Variants in CHST11 observed in about 807,000 individuals in gnomAD.
The protein encoded by CHST11 is C4S-1.
In CHST11, 9 loss-of-function variants were observed where a neutral mutation model predicts 30.4. That is an observed-to-expected ratio of 0.30 (90% CI 0.18 to 0.52). The LOEUF (loss-of-function observed/expected upper bound fraction) is 0.52. Among genes scored for constraint, CHST11 ranks in the 20% least tolerant of loss-of-function variants. CHST11 has a pLI of 0.97. For synonymous variants in CHST11, 152 were observed against 187.8 expected (o/e 0.81, Z 1.56); for missense variants, 348 against 460.6 (o/e 0.76, Z 2.24).
chr12:104,750,263 G>A (rs1054008482), intron 2 of CHST11, among the ~76,000 whole-genome samples: 1 of 151,848 alleles, frequency 6.6e-6, no homozygotes, highest in African/African-American at 2.4e-5. Context: ...AGAAAGGGAA[G>A]CTCTACTCCA....
intron 1 of CHST11, among the ~76,000 whole-genome samples, chr12:104,560,929 G>A (rs374756383): frequency 6.6e-6 from 1 of 152,142 alleles, no homozygotes; most frequent in Non-Finnish European, 1.5e-5. Context: ...CATGTCTTCC[G>A]GGGACAGAGT....
chr12:104,457,778 G>T (rs1369229175), intron 1 of CHST11, among the ~76,000 whole-genome samples: 1 of 150,780 alleles, frequency 6.6e-6, no homozygotes, highest in Non-Finnish European at 1.5e-5. Flanking sequence ...GACCAGGAGG[G>T]GCGGTAGTTT....
chr12:104,737,156 A>G (rs2040308157), intron 2 of CHST11, among the ~76,000 whole-genome samples: 1 of 152,272 alleles, frequency 6.6e-6, no homozygotes, highest in Non-Finnish European at 1.5e-5. Context: ...ACTGAGTTCA[A>G]TAATCATTGC....
rs1289065049 is a variant in CHST11, at chr12:104,602,006, C to T, written c.204+15C>T. Reference sequence around the variant, plus strand: ...ACCCAATCCAGGTAAGCTTCAAGCACTCTGTCAGCATGTGAATTTTTTTTT... The same window carrying T: ...ACCCAATCCAGGTAAGCTTCAAGCATTCTGTCAGCATGTGAATTTTTTTTT... On this transcript the variant is annotated intron_variant, in intron 2 of 2. Coordinates refer to ENST00000303694, the MANE Select transcript of CHST11 (RefSeq NM_018413.6). 3 of 1,592,806 alleles carry T rather than the reference C, an allele frequency of 1.9e-6. No homozygotes were observed. The highest frequency in any genetic ancestry group is 1.1e-5 in the South Asian group (1 of 89,168).
intron 1 of CHST11, among the ~76,000 whole-genome samples, chr12:104,555,869 G>T (rs1474373683): frequency 6.6e-6 from 1 of 152,246 alleles, no homozygotes. Flanking sequence ...GCAGCCCTGG[G>T]GGCGTCCAGC....
At chr12:104,459,343 C>G (rs540943379) in intron 1 of CHST11, among the ~76,000 whole-genome samples, 12 of 152,140 alleles carry the variant, frequency 7.9e-5, no homozygotes, top group African/African-American at 2.9e-4. Context: ...TGGTGGTGTA[C>G]AGATACACTC....
intron 1 of CHST11, among the ~76,000 whole-genome samples, chr12:104,533,313 C>A (rs893375040): frequency 5.3e-5 from 8 of 152,178 alleles, no homozygotes; most frequent in Non-Finnish European, 1.0e-4. Flanking sequence ...GTAATGAACT[C>A]GTAAACATGA....
intron 2 of CHST11, among the ~76,000 whole-genome samples, chr12:104,686,384 T>C (rs1018593758): frequency 1.3e-5 from 2 of 151,882 alleles, no homozygotes; most frequent in African/African-American, 4.8e-5. Context: ...TGAGAGAGAG[T>C]CCTCTGCTCA....
At chr12:104,501,993 T>C (rs968166936) in intron 1 of CHST11, among the ~76,000 whole-genome samples, 2 of 152,096 alleles carry the variant, frequency 1.3e-5, no homozygotes, top group African/African-American at 4.8e-5. Context: ...ACACCACACG[T>C]GTGACCTCAA....
chr12:104,612,745 T>C (rs922279697), intron 2 of CHST11, among the ~76,000 whole-genome samples: 19 of 152,282 alleles, frequency 1.2e-4, no homozygotes, highest in East Asian at 7.7e-4. Flanking sequence ...TTGGTGGGAA[T>C]GTAAATTGGT....
At chr12:104,544,138 A>AAAAGGAAGAAAGAAAGAAAG (rs2038314657) in intron 1 of CHST11, among the ~76,000 whole-genome samples, 1 of 71,726 alleles carries the variant, frequency 1.4e-5, no homozygotes, top group African/African-American at 4.9e-5. Flanking sequence ...AAAAAAAAAA[A>AAAAGGAAGAAAGAAAGAAAG]AAAGAAAGAA....
At chr12:104,517,502 C>T (rs2038035827) in intron 1 of CHST11, among the ~76,000 whole-genome samples, 1 of 152,160 alleles carries the variant, frequency 6.6e-6, no homozygotes, top group African/African-American at 2.4e-5. Flanking sequence ...CACTTAGATG[C>T]ATGTGGAATT....
In CHST11 at chr12:104,553,598, A is replaced by AGT. The variant is rs1364602974; in HGVS notation, c.119-48307_119-48306insTG. On this transcript the variant is annotated intron_variant, in intron 1 of 2. Coordinates refer to ENST00000303694, the MANE Select transcript of CHST11 (RefSeq NM_018413.6). ...GAGAGAGAGAGAGAGAGAGAGAGAGAGAGTGAGAACTAGGAGGGAAGTGCC... is the reference window on the plus strand; with the variant it reads ...GAGAGAGAGAGAGAGAGAGAGAGAGAGTGAGTGAGAACTAGGAGGGAAGTGCC... Among the ~76,000 whole-genome samples the AGT allele has an allele frequency of 2.3e-5, 3 of 132,624 alleles. No homozygotes were observed. In the Admixed American group the frequency reaches 2.3e-4, roughly 10 times the overall value. 87.0% of individuals were successfully genotyped at this position (132,624 alleles called of 152,430 possible). A position where few individuals can be genotyped will look rare whatever the true frequency, so the allele number is the denominator to read the frequency against.
chr12:104,502,202 A>C (rs2037859375), intron 1 of CHST11, among the ~76,000 whole-genome samples: 1 of 151,510 alleles, frequency 6.6e-6, no homozygotes, highest in Admixed American at 6.6e-5. Flanking sequence ...TAATTTTTAC[A>C]TTTTTTTGTA....
chr12:104,583,368 C>T (rs1180408690), intron 1 of CHST11, among the ~76,000 whole-genome samples: 1 of 152,114 alleles, frequency 6.6e-6, no homozygotes, highest in Non-Finnish European at 1.5e-5. Flanking sequence ...GAATGGGGCT[C>T]AGCTTTGCAT....
At chr12:104,636,551 C>T (rs1454591986) in intron 2 of CHST11, among the ~76,000 whole-genome samples, 2 of 152,186 alleles carry the variant, frequency 1.3e-5, no homozygotes, top group Non-Finnish European at 2.9e-5. Context: ...AAGGAACACC[C>T]CTTTTATTTC....
intron 1 of CHST11, among the ~76,000 whole-genome samples, chr12:104,513,123 T>TGGGGCGGGGGGGG (rs1555229065): frequency 2.9e-4 from 1 of 3,390 alleles, no homozygotes; most frequent in South Asian, 6.3e-3. Context: ...ATGTCATGAC[T>TGGGGCGGGGGGGG]GGGGGGGGGG....
chr12:104,610,065 G>GTGTGTGTGTC (rs2039044702), intron 2 of CHST11, among the ~76,000 whole-genome samples: 1 of 82,600 alleles, frequency 1.2e-5, no homozygotes. Flanking sequence ...GTGTGTGTGT[G>GTGTGTGTGTC]TGTGTGTGTG....
chr12:104,471,962 TA>T (rs905969466), intron 1 of CHST11, among the ~76,000 whole-genome samples: 6 of 150,198 alleles, frequency 4.0e-5, no homozygotes, highest in South Asian at 2.1e-4. Flanking sequence ...CACCCTAATT[TA>T]AAAAAAAAAT....
Sources: gnomAD v4.1 joint callset for allele counts (sites outside exome capture counted in the v4.1 genomes callset) on GRCh38, gnomAD v4.1.1 for gene constraint, MANE v1.5 for transcripts, NCBI Gene and HGNC (gene_info 2026-07-23, HGNC 2026-07-21) for gene names.